ATP6V0C: variants seen among roughly 807,000 people sequenced by gnomAD.
ATP6V0C encodes the protein ATPase H+ transporting V0 subunit c, also known as V-type proton ATPase 16 kDa proteolipid subunit c.
A neutral mutation model predicts 10.6 loss-of-function variants in ATP6V0C; 2 were observed. That is an observed-to-expected ratio of 0.19 (90% CI 0.08 to 0.59). The LOEUF (loss-of-function observed/expected upper bound fraction) is 0.59. Among genes scored for constraint, ATP6V0C ranks in the 20% least tolerant of loss-of-function variants. ATP6V0C has a pLI of 0.90. For missense variants in ATP6V0C, 89 were observed against 225.9 expected, an observed-to-expected ratio of 0.39 and a Z score of 3.88; for synonymous variants, 128 against 101.3, an observed-to-expected ratio of 1.26 and a Z score of -1.59.
Position 2,519,981 on chromosome 16 carries a change from A to G in ATP6V0C, c.*236A>G. The stretch of plus-strand genomic sequence containing the variant: ...AGGCCCCCGGCGCCCCACCCCCTAG[A>G]GTGCTCTGTGTATGCGGATGATTTA... On this transcript the variant is annotated 3_prime_UTR_variant, in exon 3 of 3. Transcript: ENST00000330398. 1 of 699,652 alleles carries G rather than the reference A, an allele frequency of 1.4e-6. No individual in the cohort carries two copies. Among genetic ancestry groups the G allele is most frequent in the Non-Finnish European group, 2.6e-6 (1 of 387,280 alleles). The allele number at this position is 699,652 out of a possible 1,614,324, so 43.3% of individuals were successfully genotyped here.
chr16:2,516,781 A>G (rs918459576), intron 1 of ATP6V0C: 6 of 152,440 alleles, frequency 3.9e-5, no homozygotes, highest in South Asian at 4.1e-4. Flanking sequence ...TGTTTCTGCA[A>G]CTGCTTTCTG....
At chr16:2,514,268 C>T in intron 1 of ATP6V0C, 86 bp downstream of exon 1, 1 of 1,394,136 alleles carries the variant, frequency 7.2e-7, no homozygotes, top group Non-Finnish European at 9.6e-7. Context: ...TGTGTGACGT[C>T]ACTCTGACGT....
chr16:2,514,262 T>G (rs2065865564), intron 1 of ATP6V0C, 80 bp downstream of exon 1: 1 of 1,419,420 alleles, frequency 7.0e-7, no homozygotes, highest in Non-Finnish European at 9.4e-7. Context: ...GTCCGGTGTG[T>G]GACGTCACTC....
At chr16:2,516,369 C>A (rs1242743549) in intron 1 of ATP6V0C, among the ~76,000 whole-genome samples, 2 of 152,154 alleles carry the variant, frequency 1.3e-5, no homozygotes, top group Non-Finnish European at 2.9e-5. Context: ...GCTTCTGCCT[C>A]GTAAAGGGCT....
Position 2,519,933 on chromosome 16 carries a change from C to A in ATP6V0C, c.*188C>A, listed in dbSNP as rs75618318. The A allele has an allele frequency of 5.6e-3, 4,727 of 841,766 alleles. 157 individuals carry two copies. In the East Asian group the frequency reaches 0.087, roughly 15 times the overall value. 52.1% of individuals were successfully genotyped at this position (841,766 alleles called of 1,614,324 possible). On this transcript the variant is annotated 3_prime_UTR_variant, in exon 3 of 3. Coordinates refer to ENST00000330398, the MANE Select transcript of ATP6V0C (RefSeq NM_001694.4). ...CCCGCCCGCCCCGTGCCGTGGACATCTGGGCCCACTCATCGCCCCTCCAGG... is the reference window on the plus strand; with the variant it reads ...CCCGCCCGCCCCGTGCCGTGGACATATGGGCCCACTCATCGCCCCTCCAGG...
chr16:2,516,091 C>G (rs2065875690), intron 1 of ATP6V0C, among the ~76,000 whole-genome samples: 1 of 147,492 alleles, frequency 6.8e-6, no homozygotes, highest in African/African-American at 2.5e-5. Flanking sequence ...CCAATTCAGA[C>G]AACTGCTTTT....
At chr16:2,514,562 G>C (rs1648183520) in intron 1 of ATP6V0C, among the ~76,000 whole-genome samples, 1 of 151,922 alleles carries the variant, frequency 6.6e-6, no homozygotes, top group South Asian at 2.1e-4. Flanking sequence ...GCGGGCAGGT[G>C]ACATCACACC....
chr16:2,518,818 T>A (rs2065891131), intron 1 of ATP6V0C, among the ~76,000 whole-genome samples: 1 of 152,216 alleles, frequency 6.6e-6, no homozygotes, highest in Non-Finnish European at 1.5e-5. Flanking sequence ...TTCCAGCATG[T>A]TGTCCTGGGC....
Position 2,513,985 on chromosome 16 carries a change from T to G in ATP6V0C, c.-119T>G, listed in dbSNP as rs1277986636. On this transcript the variant is annotated 5_prime_UTR_variant, in exon 1 of 3. Transcript: ENST00000330398. Reference sequence around the variant, plus strand: ...GTGCTGGTATTTAGAGCGCAGCGGCTGACGGGCCGGATCGCCTTCGCCGCC... The same window carrying G: ...GTGCTGGTATTTAGAGCGCAGCGGCGGACGGGCCGGATCGCCTTCGCCGCC... The G allele has an allele frequency of 4.6e-6, 4 of 878,386 alleles. No homozygotes were observed. The highest frequency in any genetic ancestry group is 3.4e-5 in the South Asian group (2 of 58,172). The allele number at this position is 878,386 out of a possible 1,614,324, so 54.4% of individuals were successfully genotyped here.
At chr16:2,515,859 CT>C (rs760003999) in intron 1 of ATP6V0C, among the ~76,000 whole-genome samples, 11 of 152,158 alleles carry the variant, frequency 7.2e-5, no homozygotes, top group Non-Finnish European at 1.5e-4. Flanking sequence ...GCTGCTTGCC[CT>C]TGAAGCCCTG....
chr16:2,519,875 C>A lies in ATP6V0C; in HGVS notation c.*130C>A. ...GTTGGTCTTGTACATGCGCAGTGTC[C>A]TAGTGCCCATCGTCTGTTTCCCCGG... is the stretch of plus-strand genomic sequence containing the variant. On this transcript the variant is annotated 3_prime_UTR_variant, in exon 3 of 3. Transcript: ENST00000330398. The A allele has an allele frequency of 8.0e-7, 1 of 1,246,016 alleles. No homozygotes were observed. Among genetic ancestry groups the A allele is most frequent in the Non-Finnish European group, 1.1e-6 (1 of 871,114 alleles). The allele number at this position is 1,246,016 out of a possible 1,614,324, so 77.2% of individuals were successfully genotyped here.
At chr16:2,514,953 G>T (rs2141889283) in intron 1 of ATP6V0C, among the ~76,000 whole-genome samples, 1 of 152,296 alleles carries the variant, frequency 6.6e-6, no homozygotes, top group East Asian at 1.9e-4. Flanking sequence ...TGAGAGGGTG[G>T]CATGGGTGTC....
At position 2,519,595 on chromosome 16, in the gene ATP6V0C, C is replaced by T. The variant is rs752697033; in HGVS notation, c.318C>T (p.Ala106=). Residue 106 remains alanine (A), a synonymous_variant, in exon 3 of 3, where the codon GCC becomes GCT. Coordinates refer to ENST00000330398, the MANE Select transcript of ATP6V0C (RefSeq NM_001694.4). ...GLSVGLSGLA[A]GFAIGIVGDA... is the part of the protein sequence containing the mutation. ...GCGTGGGCCTGAGCGGCCTGGCAGC[C>T]GGCTTTGCCATCGGCATCGTGGGGG... 35 of 1,587,172 alleles carry T rather than the reference C, an allele frequency of 2.2e-5. No individual in the cohort carries two copies. The highest frequency in any genetic ancestry group is 3.4e-5 in the South Asian group (3 of 89,330).
chr16:2,514,777 C>T (rs2065868946), intron 1 of ATP6V0C, among the ~76,000 whole-genome samples: 2 of 152,190 alleles, frequency 1.3e-5, no homozygotes, highest in South Asian at 4.1e-4. Context: ...TTGCCCAATA[C>T]CCGTGTCGCT....
Position 2,519,761 on chromosome 16 carries a change from A to G in ATP6V0C, c.*16A>G. On this transcript the variant is annotated 3_prime_UTR_variant, in exon 3 of 3. Transcript: ENST00000330398. ...CACAAAGTAGACCCTCTCCGAGCCCACCAGCCACAGAATATTATGTAAAGA... is the reference window on the plus strand; with the variant it reads ...CACAAAGTAGACCCTCTCCGAGCCCGCCAGCCACAGAATATTATGTAAAGA... 6.3e-7 allele frequency: 1 copy of G among 1,582,866 alleles called. No homozygotes were observed. Among genetic ancestry groups the G allele is most frequent in the Non-Finnish European group, 8.6e-7 (1 of 1,158,796 alleles).
rs1567124977 is a variant in ATP6V0C, at chr16:2,519,963, C to T, written c.*218C>T. On this transcript the variant is annotated 3_prime_UTR_variant, in exon 3 of 3. Coordinates refer to ENST00000330398, the MANE Select transcript of ATP6V0C (RefSeq NM_001694.4). Reference sequence around the variant, plus strand: ...CCCACTCATCGCCCCTCCAGGCCCCCGGCGCCCCACCCCCTAGAGTGCTCT... The same window carrying T: ...CCCACTCATCGCCCCTCCAGGCCCCTGGCGCCCCACCCCCTAGAGTGCTCT... 1 of 720,466 alleles carries T rather than the reference C, an allele frequency of 1.4e-6. No homozygotes were observed. The highest frequency in any genetic ancestry group is 2.0e-5 in the Admixed American group (1 of 49,912). The allele number at this position is 720,466 out of a possible 1,614,324, so 44.6% of individuals were successfully genotyped here.
intron 1 of ATP6V0C, among the ~76,000 whole-genome samples, chr16:2,515,130 C>G (rs922044809): frequency 6.6e-6 from 1 of 152,120 alleles, no homozygotes; most frequent in Non-Finnish European, 1.5e-5. Flanking sequence ...TGGTGGCACC[C>G]TGCTTTTGAA....
rs769873347 is a variant in ATP6V0C, at chr16:2,514,083, GC to G, written c.-16del. The G allele has an allele frequency of 9.0e-6, 14 of 1,559,810 alleles. No individual in the cohort carries two copies. In the East Asian group the frequency reaches 1.5e-4, roughly 17 times the overall value. On this transcript the variant is annotated 5_prime_UTR_variant, in exon 1 of 3. Coordinates refer to ENST00000330398, the MANE Select transcript of ATP6V0C (RefSeq NM_001694.4). ...GCCACCGCCTCGGCCCGCAGAGCTT[GC>G]CCCCTCCCCACCCGCAGACATGTCC...
At chr16:2,517,729 GTGTGTGTGTGTGTGTGTGTGTGTGTC>G (rs1182101279) in intron 1 of ATP6V0C, 1 of 151,850 alleles carries the variant, frequency 6.6e-6, no homozygotes, top group African/African-American at 2.5e-5. Flanking sequence ...GTGTGTGTGT[GTGTGTGTGTGTGTGTGTGTGTGTGTC>G]TGTCAGAGAT....
Sources: allele counts gnomAD v4.1 joint callset (sites outside exome capture counted in the v4.1 genomes callset), GRCh38; gene constraint gnomAD v4.1.1; transcripts MANE v1.5; gene names NCBI Gene and HGNC (gene_info 2026-07-23, HGNC 2026-07-21).